Variants in DPH6 observed in about 807,000 individuals in gnomAD.
DPH6 encodes the protein diphthine--ammonia ligase.
A neutral mutation model predicts 38.2 loss-of-function variants in DPH6; 33 were observed. That is an observed-to-expected ratio of 0.86 (90% CI 0.65 to 1.15). The LOEUF (loss-of-function observed/expected upper bound fraction) is 1.15. Ranked by LOEUF, DPH6 falls within the 50% of genes most tolerant of loss-of-function variation. The pLI, the probability that DPH6 is intolerant of heterozygous loss-of-function variation, is 0.00. For missense variants in DPH6, 325 were observed against 320.0 expected, an observed-to-expected ratio of 1.02 and a Z score of -0.12; for synonymous variants, 108 against 103.0, an observed-to-expected ratio of 1.05 and a Z score of -0.30.
chr15:35,176,713 C>T, the DPH6 span, among the ~76,000 whole-genome samples: 29 of 152,084 alleles, frequency 1.9e-4, no homozygotes, highest in Non-Finnish European at 2.9e-4. Context: ...TCAGGTGATC[C>T]GCCCGCCTTG....
intron 3 of DPH6, among the ~76,000 whole-genome samples, chr15:35,312,079 A>T (rs1041042207): frequency 6.6e-6 from 1 of 151,922 alleles, no homozygotes; most frequent in African/African-American, 2.4e-5. Flanking sequence ...CAGGGAAAAC[A>T]GACTATATGA....
intron 3 of DPH6, among the ~76,000 whole-genome samples, chr15:35,342,962 ACTT>A (rs1370437926): frequency 2.0e-5 from 3 of 152,154 alleles, no homozygotes; most frequent in South Asian, 2.1e-4. Flanking sequence ...ACTTTCACCC[ACTT>A]CTTCTTACCC....
At chr15:35,194,369 CAGAGAGAGAGAGAG>C in the DPH6 span, among the ~76,000 whole-genome samples, 2 of 144,650 alleles carry the variant, frequency 1.4e-5, no homozygotes, top group Non-Finnish European at 3.0e-5. Context: ...TTCCTTTTTC[CAGAGAGAGAGAGAG>C]AGAGAGAGAG....
intron 3 of DPH6, chr15:35,520,241 CAAA>C (rs2054904643): frequency 1.0e-5 from 5 of 478,572 alleles, no homozygotes; most frequent in South Asian, 2.0e-4. Flanking sequence ...AAAAAAAAAA[CAAA>C]AGAAGAAGAA....
chr15:35,411,682 T>C (rs2053369007), intron 5 of DPH6, among the ~76,000 whole-genome samples: 1 of 151,742 alleles, frequency 6.6e-6, no homozygotes, highest in Non-Finnish European at 1.5e-5. Context: ...GAATTCATTT[T>C]GGATATTTAC....
At position 35,241,843 on chromosome 15, in the gene DPH6, A is replaced by C. The variant is rs2051601665; in HGVS notation, n.201-21261T>G. On this transcript the variant is annotated intron_variant and non_coding_transcript_variant, in intron 3 of 3. Coordinates refer to the DPH6 transcript ENST00000560386. ...ACAGCATGGCCTTTTAAAGCCTATA[A>C]ATTCTCCTTACAATTCCCCCATTTT... 1.4e-5 allele frequency among the ~76,000 whole-genome samples: 2 copies of C among 142,792 alleles called. 1 individual carries two copies. Among genetic ancestry groups the C allele is most frequent in the South Asian group, 4.9e-4 (2 of 4,088 alleles). 93.7% of individuals were successfully genotyped at this position (142,792 alleles called of 152,430 possible).
intron 5 of DPH6, among the ~76,000 whole-genome samples, chr15:35,426,368 AG>A (rs1253257263): frequency 6.6e-6 from 1 of 151,866 alleles, no homozygotes; most frequent in Non-Finnish European, 1.5e-5. Flanking sequence ...AGAATATAAA[AG>A]AATAATACAA....
intron 3 of DPH6, chr15:35,365,697 C>T: frequency 1.2e-6 from 1 of 828,864 alleles, no homozygotes; most frequent in Non-Finnish European, 1.5e-6. Context: ...AGTTTGATTC[C>T]CAACACAAAT....
Position 35,315,979 on chromosome 15 carries a change from C to T in DPH6, n.200+57542G>A, listed in dbSNP as rs371404155. Among the ~76,000 whole-genome samples, 105 of 151,754 alleles carry T rather than the reference C, an allele frequency of 6.9e-4. 1 individual carries two copies. The Middle Eastern group carries it at 0.01, about 15-fold the overall frequency. ...TGCATGTTCATACTCAATGTAGGAACTAAAAAAGTTGATCTTGAGAAGATA... is the reference window on the plus strand; with the variant it reads ...TGCATGTTCATACTCAATGTAGGAATTAAAAAAGTTGATCTTGAGAAGATA... On this transcript the variant is annotated intron_variant and non_coding_transcript_variant, in intron 3 of 3. Transcript: ENST00000560386.
At chr15:35,258,881 G>A (rs1321993776) in intron 3 of DPH6, among the ~76,000 whole-genome samples, 1 of 151,940 alleles carries the variant, frequency 6.6e-6, no homozygotes, top group Non-Finnish European at 1.5e-5. Context: ...GGGCACGGTG[G>A]CTCACACCTG....
chr15:35,481,602 AATT>A (rs998454021), intron 3 of DPH6, among the ~76,000 whole-genome samples: 2 of 152,170 alleles, frequency 1.3e-5, no homozygotes, highest in Non-Finnish European at 2.9e-5. Context: ...ATTATGGTGT[AATT>A]ATTATGTTAA....
intron 3 of DPH6, among the ~76,000 whole-genome samples, chr15:35,484,106 T>C (rs2054364358): frequency 1.3e-5 from 2 of 152,164 alleles, no homozygotes; most frequent in Non-Finnish European, 2.9e-5. Context: ...AACTAAATTA[T>C]TGAATTGTAC....
chr15:35,366,252 GTGTGTGTGTGTA>G (rs1189471048), downstream of DPH6, among the ~76,000 whole-genome samples: 114 of 151,566 alleles, frequency 7.5e-4, 1 homozygote, highest in African/African-American at 2.6e-3. Flanking sequence ...GTGTGTGTGT[GTGTGTGTGTGTA>G]TACATATAAA....
At chr15:35,334,742 T>A (rs1216028783) in intron 3 of DPH6, among the ~76,000 whole-genome samples, 7 of 152,168 alleles carry the variant, frequency 4.6e-5, no homozygotes, top group Non-Finnish European at 1.5e-5. Flanking sequence ...GATTTTGTTC[T>A]TTTTTTATGG....
At chr15:35,177,372 C>T in the DPH6 span, among the ~76,000 whole-genome samples, 4 of 151,396 alleles carry the variant, frequency 2.6e-5, no homozygotes, top group South Asian at 4.2e-4. Flanking sequence ...GCCAGGAGCT[C>T]GAGATCAGCC....
In DPH6 at chr15:35,456,475, T is replaced by A. The variant is rs371567544; in HGVS notation, c.313-1655A>T. On this transcript the variant is annotated intron_variant, in intron 3 of 8. Transcript: ENST00000256538. ...CAAATTACTATATATATATATATATTTATTTATTTATTTATTATTATTTTT... is the reference window on the plus strand; with the variant it reads ...CAAATTACTATATATATATATATATATATTTATTTATTTATTATTATTTTT... Among the ~76,000 whole-genome samples the A allele has an allele frequency of 5.1e-3, 338 of 66,744 alleles. 1 individual carries two copies. Among genetic ancestry groups the A allele is most frequent in the African/African-American group, 0.013 (324 of 25,494 alleles). 43.8% of individuals were successfully genotyped at this position (66,744 alleles called of 152,430 possible).
chr15:35,503,803 C>T (rs1466261813), intron 3 of DPH6, among the ~76,000 whole-genome samples: 1 of 152,092 alleles, frequency 6.6e-6, no homozygotes, highest in East Asian at 1.9e-4. Context: ...TTTTAATCTC[C>T]ATTTTATAGA....
At chr15:35,444,924 G>A (rs2053832542) in intron 5 of DPH6, among the ~76,000 whole-genome samples, 1 of 152,094 alleles carries the variant, frequency 6.6e-6, no homozygotes, top group African/African-American at 2.4e-5. Context: ...AGACAGCAGA[G>A]ACAATACTCA....
chr15:35,407,754 G>A (rs1436250899), intron 6 of DPH6, among the ~76,000 whole-genome samples: 1 of 151,952 alleles, frequency 6.6e-6, no homozygotes, highest in Non-Finnish European at 1.5e-5. Context: ...GTGTGTTTAA[G>A]TAATAAAGAG....
Sources: gnomAD v4.1 joint callset for allele counts (sites outside exome capture counted in the v4.1 genomes callset) on GRCh38, gnomAD v4.1.1 for gene constraint, MANE v1.5 for transcripts, NCBI Gene and HGNC (gene_info 2026-07-23, HGNC 2026-07-21) for gene names.